Variants in MAGI2 observed in about 807,000 individuals in gnomAD.
MAGI2 encodes the protein membrane associated guanylate kinase, WW and PDZ domain containing 2, also known as membrane-associated guanylate kinase, WW and PDZ domain-containing protein 2.
A neutral mutation model predicts 133.3 loss-of-function variants in MAGI2; 35 were observed. The observed-to-expected ratio is 0.26, with a 90% confidence interval of 0.20 to 0.35. MAGI2 has a LOEUF of 0.35. Ranked by LOEUF, MAGI2 falls within the 10% of genes least tolerant of loss-of-function variation. The pLI, the probability that MAGI2 is intolerant of heterozygous loss-of-function variation, is 1.00. For missense variants in MAGI2, 1,636 were observed against 1,863.4 expected (o/e 0.88, Z 2.25); for synonymous variants, 729 against 710.6 (o/e 1.03, Z -0.41).
chr7:79,363,330 T>C (rs1251641052), intron 1 of MAGI2, among the ~76,000 whole-genome samples: 1 of 144,672 alleles, frequency 6.9e-6, no homozygotes, highest in Non-Finnish European at 1.5e-5. Context: ...GTCTCTGTAC[T>C]TAAATCATTC....
At chr7:78,760,759 A>G (rs923733557) in intron 2 of MAGI2, among the ~76,000 whole-genome samples, 5 of 152,218 alleles carry the variant, frequency 3.3e-5, no homozygotes, top group African/African-American at 1.2e-4. Flanking sequence ...TGCAAGAAAC[A>G]TAAGGTATTC....
chr7:78,481,081 A>G (rs758504772), intron 6 of MAGI2, among the ~76,000 whole-genome samples: 1 of 151,988 alleles, frequency 6.6e-6, no homozygotes, highest in Non-Finnish European at 1.5e-5. Context: ...AAATTTATAT[A>G]AAATGGCAAA....
chr7:78,327,098 C>T (rs1420176812), intron 9 of MAGI2, among the ~76,000 whole-genome samples: 1 of 152,178 alleles, frequency 6.6e-6, no homozygotes, highest in African/African-American at 2.4e-5. Flanking sequence ...TGACCTCTTT[C>T]ACCTCTGTCA....
chr7:78,736,260 GT>G (rs1233346476), intron 2 of MAGI2, among the ~76,000 whole-genome samples: 1 of 152,006 alleles, frequency 6.6e-6, no homozygotes, highest in Non-Finnish European at 1.5e-5. Flanking sequence ...TCTAATAACA[GT>G]TTTTTTCTAT....
chr7:79,344,153 A>G (rs1288472661), intron 1 of MAGI2, among the ~76,000 whole-genome samples: 3 of 152,114 alleles, frequency 2.0e-5, no homozygotes, highest in African/African-American at 7.2e-5. Context: ...AGATGTAACA[A>G]CTAACTATGG....
rs539439858 is a variant in MAGI2 at position 78,506,033 on chromosome 7, A to G, written c.755-4246T>C. On this transcript the variant is annotated intron_variant, in intron 4 of 21. Transcript: ENST00000354212. ...GAGAGCAAAGATACTGCTATGTTCT[A>G]CTGAAGCAGATGACAAAATTAGATT... is the stretch of plus-strand genomic sequence containing the variant. 8.5e-5 allele frequency among the ~76,000 whole-genome samples: 13 copies of G among 152,318 alleles called. No individual in the cohort carries two copies. The South Asian group carries it at 2.3e-3, about 27-fold the overall frequency.
chr7:79,341,757 A>C (rs2129100759), intron 1 of MAGI2, among the ~76,000 whole-genome samples: 1 of 152,292 alleles, frequency 6.6e-6, no homozygotes, highest in South Asian at 2.1e-4. Context: ...AAATCCCACA[A>C]GTTGAAGTTC....
intron 3 of MAGI2, among the ~76,000 whole-genome samples, chr7:78,541,400 AT>A (rs1424603348): frequency 6.6e-6 from 1 of 152,180 alleles, no homozygotes; most frequent in African/African-American, 2.4e-5. Context: ...GCCATTTATC[AT>A]TAAGCTTTGT....
chr7:79,041,458 A>C (rs1362136306), intron 1 of MAGI2, among the ~76,000 whole-genome samples: 1 of 152,296 alleles, frequency 6.6e-6, no homozygotes, highest in African/African-American at 2.4e-5. Context: ...GAATCAGATA[A>C]AATTCTTTAA....
rs1823418196 is a variant in MAGI2 at position 79,153,088 on chromosome 7, A to T, written c.302-145882T>A. 3.9e-5 allele frequency among the ~76,000 whole-genome samples: 6 copies of T among 152,338 alleles called. No homozygotes were observed. In the South Asian group the frequency reaches 1.2e-3, roughly 32 times the overall value. On this transcript the variant is annotated intron_variant, in intron 1 of 21. Coordinates refer to ENST00000354212, the MANE Select transcript of MAGI2 (RefSeq NM_012301.4). The stretch of plus-strand genomic sequence containing the variant: ...CAAGTATACAATGGTAAATAAAGTG[A>T]TAAGAACCCTTTCCTGGTAGAGCCT...
At position 78,963,501 on chromosome 7, in the gene MAGI2, T is replaced by C. The variant is rs1225455523; in HGVS notation, c.418+43589A>G. 2.6e-5 allele frequency among the ~76,000 whole-genome samples: 4 copies of C among 152,074 alleles called. No individual in the cohort carries two copies. In the East Asian group the frequency reaches 7.7e-4, roughly 29 times the overall value. ...CCATTTCTTTCTTTCATATTGGTCC[T>C]TTTTTATATTTTCAAAATATATTTG... On this transcript the variant is annotated intron_variant, in intron 2 of 21. Transcript: ENST00000354212.
intron 21 of MAGI2, among the ~76,000 whole-genome samples, chr7:78,032,890 T>G (rs1200326653): frequency 6.6e-6 from 1 of 152,068 alleles, no homozygotes; most frequent in South Asian, 2.1e-4. Flanking sequence ...GTTCAAGGAA[T>G]GACAAGAGGA....
intron 9 of MAGI2, among the ~76,000 whole-genome samples, chr7:78,297,351 A>C: frequency 6.6e-6 from 1 of 152,056 alleles, no homozygotes; most frequent in South Asian, 2.1e-4. Context: ...GAGGATGTGG[A>C]GAAATAGGAA....
chr7:78,463,026 G>A (rs1790227068), intron 6 of MAGI2, among the ~76,000 whole-genome samples: 1 of 152,212 alleles, frequency 6.6e-6, no homozygotes, highest in Non-Finnish European at 1.5e-5. Context: ...TACTCAGAGG[G>A]CTATGGCTAG....
chr7:79,361,699 T>A (rs1386453743), intron 1 of MAGI2, among the ~76,000 whole-genome samples: 1 of 152,136 alleles, frequency 6.6e-6, no homozygotes, highest in Non-Finnish European at 1.5e-5. Context: ...ATAAAACAAA[T>A]GTCAATGATT....
At position 78,753,091 on chromosome 7, in the gene MAGI2, C is replaced by G. The variant is rs149261888; in HGVS notation, c.419-125852G>C. Among the ~76,000 whole-genome samples the G allele has an allele frequency of 7.9e-3, 1,206 of 152,070 alleles. 19 individuals carry two copies. Among genetic ancestry groups the G allele is most frequent in the African/African-American group, 0.026 (1,096 of 41,468 alleles). On this transcript the variant is annotated intron_variant, in intron 2 of 21. Transcript: ENST00000354212. ...AAATAATATCCAGGACAGAATGAGA[C>G]ATATGAAGAAACAAGAAAATATCAC...
chr7:79,198,703 A>G lies in MAGI2; in HGVS notation c.302-191497T>C, dbSNP rs550923468. 5.3e-5 allele frequency among the ~76,000 whole-genome samples: 8 copies of G among 152,100 alleles called. No individual in the cohort carries two copies. The South Asian group carries it at 1.7e-3, about 32-fold the overall frequency. ...GGGGTTTGAGACCAGCCTGGCCAAC[A>G]TGGTGAAACCCTGTCTCTACTGAAA... On this transcript the variant is annotated intron_variant, in intron 1 of 21. Coordinates refer to ENST00000354212, the MANE Select transcript of MAGI2 (RefSeq NM_012301.4).
intron 20 of MAGI2, among the ~76,000 whole-genome samples, chr7:78,081,090 CTGG>C (rs752440141): frequency 3.3e-5 from 5 of 152,172 alleles, no homozygotes; most frequent in Non-Finnish European, 7.3e-5. Flanking sequence ...CCCCACAGGC[CTGG>C]TGATTTCTTG....
At chr7:78,378,407 A>G (rs755279520) in intron 6 of MAGI2, among the ~76,000 whole-genome samples, 1 of 152,066 alleles carries the variant, frequency 6.6e-6, no homozygotes, top group Non-Finnish European at 1.5e-5. Context: ...GTGTTGTCAT[A>G]TAGCCGGAAA....
Sources: gnomAD v4.1 joint callset for allele counts (sites outside exome capture counted in the v4.1 genomes callset) on GRCh38, gnomAD v4.1.1 for gene constraint, MANE v1.5 for transcripts, NCBI Gene and HGNC (gene_info 2026-07-23, HGNC 2026-07-21) for gene names.